MTM1: variants seen among roughly 807,000 people sequenced by gnomAD.
MTM1 encodes the protein myotubularin.
A neutral mutation model predicts 52.1 loss-of-function variants in MTM1; 9 were observed. The observed-to-expected ratio is 0.17, with a 90% CI of 0.10 to 0.30. The LOEUF (loss-of-function observed/expected upper bound fraction) is 0.30. MTM1 is among the 10% of genes least tolerant of loss of function. MTM1 has a pLI of 1.00. For synonymous variants in MTM1, 136 were observed against 163.8 expected, an observed-to-expected ratio of 0.83 and a Z score of 1.29; for missense variants, 277 against 470.7, an observed-to-expected ratio of 0.59 and a Z score of 3.81.
the MTM1 span, among the ~76,000 whole-genome samples, chrX:150,563,119 G>C: frequency 2.7e-5 from 3 of 109,651 alleles, no homozygotes; most frequent in Non-Finnish European, 5.7e-5. Context: ...ATGGTGAACA[G>C]ACTGGGTAGC....
rs1415649800 is a variant in MTM1, at chrX:150,671,779, G to A, written c.*184G>A. On this transcript the variant is annotated 3_prime_UTR_variant, in exon 15 of 15. Transcript: ENST00000370396. ...ACAAGAAAACTACAGGGTCCACACG[G>A]CAATCAGAAGAAAGGAGCTGAGATG... 4.6e-5 allele frequency: 23 copies of A among 498,440 alleles called. No homozygotes were observed. Among genetic ancestry groups the A allele is most frequent in the Non-Finnish European group, 5.8e-5 (18 of 308,186 alleles). The allele number at this position is 498,440 out of a possible 1,213,427, so 41.1% of individuals were successfully genotyped here. A position where few individuals can be genotyped will look rare whatever the true frequency, so the allele number is the denominator to read the frequency against.
chrX:150,638,026 C>A (rs1557413735), intron 6 of MTM1, among the ~76,000 whole-genome samples: 1 of 112,505 alleles, frequency 8.9e-6, no homozygotes, highest in Non-Finnish European at 1.9e-5. Context: ...AGCAGGGGAG[C>A]AGTTAGGTTT....
At chrX:150,641,805 G>GT (rs1430272839) in intron 8 of MTM1, among the ~76,000 whole-genome samples, 1 of 111,534 alleles carries the variant, frequency 9.0e-6, no homozygotes, top group Non-Finnish European at 1.9e-5. Flanking sequence ...AGAACACACT[G>GT]TCTTGTTATA....
chrX:150,583,276 A>T (rs1260539721), intron 1 of MTM1, among the ~76,000 whole-genome samples: 1 of 61,791 alleles, frequency 1.6e-5, no homozygotes, highest in Non-Finnish European at 2.6e-5. Flanking sequence ...TTATATATAA[A>T]TTATAAATAT....
At chrX:150,662,765 C>T (rs1426035905) in intron 13 of MTM1, among the ~76,000 whole-genome samples, 2 of 82,814 alleles carry the variant, frequency 2.4e-5, no homozygotes, top group Non-Finnish European at 4.4e-5. Flanking sequence ...TTTTTATTTC[C>T]CTAGCTTTGA....
In MTM1 at chrX:150,661,998, T is replaced by G. The variant is rs2040229455; in HGVS notation, c.1468-1435T>G. Among the ~76,000 whole-genome samples, 3 of 112,333 alleles carry G rather than the reference T, an allele frequency of 2.7e-5. No homozygotes were observed. The South Asian group carries it at 1.1e-3, about 41-fold the overall frequency. On this transcript the variant is annotated intron_variant, in intron 13 of 14. Transcript: ENST00000370396. ...CTTGATTGAGGTGATTATTTCATAA[T>G]GTATACATATATCAAAATATCACAT...
chrX:150,610,199 T>C (rs1258354444), intron 4 of MTM1, among the ~76,000 whole-genome samples: 1 of 111,611 alleles, frequency 9.0e-6, no homozygotes, highest in Non-Finnish European at 1.9e-5. Flanking sequence ...TGCCCTCCTT[T>C]GACCTCCCCT....
intron 6 of MTM1, among the ~76,000 whole-genome samples, chrX:150,638,183 G>T (rs1557413740): frequency 1.8e-5 from 2 of 111,628 alleles, no homozygotes; most frequent in Non-Finnish European, 3.8e-5. Context: ...GACTGGGTAG[G>T]GGGAGCCAAG....
chrX:150,611,987 G>C (rs2039288068), intron 4 of MTM1, among the ~76,000 whole-genome samples: 1 of 112,095 alleles, frequency 8.9e-6, no homozygotes. Context: ...TTGAGCCTCA[G>C]AAGTTCGAGA....
intron 6 of MTM1, among the ~76,000 whole-genome samples, chrX:150,625,068 G>A (rs1447308328): frequency 9.0e-6 from 1 of 111,528 alleles, no homozygotes; most frequent in African/African-American, 3.3e-5. Flanking sequence ...GAGGGGACAC[G>A]TTTGCAGAGC....
chrX:150,641,177 C>T, intron 7 of MTM1, 92 bp from the exon 8 acceptor site: 2 of 992,550 alleles, frequency 2.0e-6, no homozygotes, highest in Non-Finnish European at 2.8e-6. Flanking sequence ...GAGGCATGTG[C>T]ACATATTGCT....
intron 1 of MTM1, among the ~76,000 whole-genome samples, chrX:150,583,910 A>ATATT (rs1557412120): frequency 2.4e-4 from 10 of 41,244 alleles, no homozygotes; most frequent in Non-Finnish European, 3.6e-4. Context: ...ATATATATAT[A>ATATT]TAATATAAAA....
At chrX:150,578,166 A>G (rs1557411718) in intron 1 of MTM1, among the ~76,000 whole-genome samples, 1 of 112,315 alleles carries the variant, frequency 8.9e-6, no homozygotes, top group Admixed American at 9.4e-5. Context: ...CCCCGAGGTG[A>G]GATTCTCTTT....
intron 10 of MTM1, among the ~76,000 whole-genome samples, chrX:150,655,065 C>T (rs782097412): frequency 4.5e-5 from 5 of 111,437 alleles, no homozygotes; most frequent in South Asian, 3.8e-4. Context: ...GTGGCTCACA[C>T]GTGTAATCCC....
chrX:150,601,479 G>A (rs1353036250), intron 4 of MTM1, among the ~76,000 whole-genome samples: 3 of 112,443 alleles, frequency 2.7e-5, no homozygotes, highest in African/African-American at 6.5e-5. Context: ...TCTCACTGGC[G>A]TTTTGAAGTG....
chrX:150,589,820 ATTAG>A (rs2038852156), intron 1 of MTM1, among the ~76,000 whole-genome samples: 1 of 107,068 alleles, frequency 9.3e-6, no homozygotes, highest in Admixed American at 1.0e-4. Context: ...CTATCCCTGT[ATTAG>A]TTAACTTTTC....
At chrX:150,670,983 T>C (rs1557415117) in intron 14 of MTM1, among the ~76,000 whole-genome samples, 2 of 111,917 alleles carry the variant, frequency 1.8e-5, no homozygotes, top group African/African-American at 6.5e-5. Context: ...ATGTAAACTT[T>C]GATAAAACAC....
intron 4 of MTM1, among the ~76,000 whole-genome samples, chrX:150,605,204 T>TCTCAC (rs1569565411): frequency 8.9e-6 from 1 of 112,188 alleles, no homozygotes; most frequent in Non-Finnish European, 1.9e-5. Flanking sequence ...AGTTGGTATT[T>TCTCAC]CTCACTCGTG....
chrX:150,638,429 C>T (rs928135813), intron 6 of MTM1, among the ~76,000 whole-genome samples: 3 of 111,393 alleles, frequency 2.7e-5, no homozygotes, highest in Non-Finnish European at 1.9e-5. Context: ...TGAGTCCTGC[C>T]ATTTCACAGA....
Sources: allele counts gnomAD v4.1 joint callset (sites outside exome capture counted in the v4.1 genomes callset), GRCh38; gene constraint gnomAD v4.1.1; transcripts MANE v1.5; gene names NCBI Gene and HGNC (gene_info 2026-07-23, HGNC 2026-07-21).